KLHL1: variants seen among roughly 807,000 people sequenced by gnomAD.
KLHL1 encodes kelch-like protein 1.
In KLHL1, 47 loss-of-function variants were observed where a neutral mutation model predicts 77.7. The observed-to-expected ratio is 0.60, with a 90% confidence interval of 0.48 to 0.77. The LOEUF is 0.77. Ranked by LOEUF, KLHL1 falls within the 30% of genes least tolerant of loss-of-function variation. The pLI, the probability that KLHL1 is intolerant of heterozygous loss-of-function variation, is 0.00. For synonymous variants in KLHL1, 360 were observed against 325.2 expected, an observed-to-expected ratio of 1.11 and a Z score of -1.15; for missense variants, 925 against 910.8, an observed-to-expected ratio of 1.02 and a Z score of -0.20.
chr13:69,792,266 T>G (rs2138029974), intron 7 of KLHL1, among the ~76,000 whole-genome samples: 1 of 152,218 alleles, frequency 6.6e-6, no homozygotes. Flanking sequence ...AGGAAAATAT[T>G]TCCATAGAGC....
intron 5 of KLHL1, among the ~76,000 whole-genome samples, chr13:69,877,254 T>C (rs866853076): frequency 1.1e-4 from 16 of 152,296 alleles, no homozygotes; most frequent in Middle Eastern, 3.4e-3. Flanking sequence ...CTGATACTTA[T>C]GGGTATTTTT....
chr13:69,959,778 T>C (rs1403024086), intron 3 of KLHL1, among the ~76,000 whole-genome samples: 2 of 151,894 alleles, frequency 1.3e-5, no homozygotes, highest in Non-Finnish European at 2.9e-5. Flanking sequence ...GGTGAACAAA[T>C]TGCTTCAAGT....
intron 1 of KLHL1, among the ~76,000 whole-genome samples, chr13:70,086,593 AGAAAGAAAG>A (rs1441381129): frequency 0.012 from 654 of 52,518 alleles, 42 homozygotes; most frequent in African/African-American, 0.031. Context: ...AAAAAAAAAA[AGAAAGAAAG>A]AAAGAAAGAA....
chr13:69,747,889 T>TA (rs1376738646), intron 7 of KLHL1, among the ~76,000 whole-genome samples: 1 of 151,876 alleles, frequency 6.6e-6, no homozygotes, highest in East Asian at 1.9e-4. Flanking sequence ...ATTTTATAAT[T>TA]AAAAATATAT....
At chr13:70,030,110 TAC>T (rs1229152258) in intron 1 of KLHL1, among the ~76,000 whole-genome samples, 25 of 152,120 alleles carry the variant, frequency 1.6e-4, no homozygotes, top group Non-Finnish European at 3.5e-4. Flanking sequence ...CTTAGAGACC[TAC>T]GAAGAGACTT....
chr13:69,741,472 T>C (rs1363338142), intron 7 of KLHL1, among the ~76,000 whole-genome samples: 5 of 152,266 alleles, frequency 3.3e-5, no homozygotes, highest in Admixed American at 2.0e-4. Flanking sequence ...GATTAAGACA[T>C]GACTCCTAGA....
chr13:70,024,720 A>G (rs1010915795), intron 1 of KLHL1, among the ~76,000 whole-genome samples: 3 of 150,198 alleles, frequency 2.0e-5, no homozygotes, highest in Non-Finnish European at 4.5e-5. Context: ...GGGAACAATT[A>G]TGAACGGAAG....
chr13:69,781,110 G>A (rs1254511690), intron 7 of KLHL1, among the ~76,000 whole-genome samples: 4 of 151,908 alleles, frequency 2.6e-5, no homozygotes, highest in Non-Finnish European at 5.9e-5. Flanking sequence ...AATCTTGCAG[G>A]GGGAGACAGT....
At chr13:69,885,664 C>G (rs1189741711) in intron 4 of KLHL1, among the ~76,000 whole-genome samples, 1 of 152,154 alleles carries the variant, frequency 6.6e-6, no homozygotes, top group Non-Finnish European at 1.5e-5. Flanking sequence ...GATCATATAA[C>G]AAGAGGCCTG....
At chr13:70,058,669 C>T (rs909103863) in intron 1 of KLHL1, among the ~76,000 whole-genome samples, 1 of 152,022 alleles carries the variant, frequency 6.6e-6, no homozygotes, top group African/African-American at 2.4e-5. Flanking sequence ...AACATGATTC[C>T]TATAAAATAC....
At chr13:69,910,605 A>G (rs543163873) in intron 4 of KLHL1, among the ~76,000 whole-genome samples, 32 of 152,050 alleles carry the variant, frequency 2.1e-4, no homozygotes, top group African/African-American at 7.7e-4. Context: ...ACATAGACTG[A>G]GAAATTATGG....
chr13:69,714,475 A>C (rs1316355454), intron 9 of KLHL1, among the ~76,000 whole-genome samples: 2 of 152,192 alleles, frequency 1.3e-5, no homozygotes, highest in Non-Finnish European at 2.9e-5. Flanking sequence ...GATACGCTTA[A>C]CAGTTCAAAA....
At chr13:69,965,558 G>A (rs1484437812) in intron 2 of KLHL1, among the ~76,000 whole-genome samples, 2 of 152,122 alleles carry the variant, frequency 1.3e-5, no homozygotes, top group Non-Finnish European at 2.9e-5. Flanking sequence ...CCCTCTAAGT[G>A]TCCAAATGAA....
chr13:69,992,484 T>C (rs764961746), intron 1 of KLHL1, among the ~76,000 whole-genome samples: 3 of 152,030 alleles, frequency 2.0e-5, no homozygotes, highest in Non-Finnish European at 2.9e-5. Context: ...TGGAGAAATA[T>C]GTGCCTTAGC....
chr13:69,898,600 T>C (rs1380041511), intron 4 of KLHL1, among the ~76,000 whole-genome samples: 1 of 152,154 alleles, frequency 6.6e-6, no homozygotes, highest in Non-Finnish European at 1.5e-5. Context: ...GGCCCCACTA[T>C]TGAATATGTT....
intron 1 of KLHL1, among the ~76,000 whole-genome samples, chr13:69,976,788 A>C (rs1367827747): frequency 2.0e-5 from 3 of 152,140 alleles, no homozygotes; most frequent in Non-Finnish European, 4.4e-5. Context: ...TACAATATCA[A>C]AATAATTATT....
At chr13:69,808,701 A>T (rs185820115) in intron 6 of KLHL1, among the ~76,000 whole-genome samples, 1 of 152,308 alleles carries the variant, frequency 6.6e-6, no homozygotes, top group East Asian at 1.9e-4. Context: ...GTAGCTTCCA[A>T]GCAATGGATC....
At chr13:69,851,443 G>T (rs1218411805) in intron 5 of KLHL1, among the ~76,000 whole-genome samples, 2 of 151,690 alleles carry the variant, frequency 1.3e-5, no homozygotes, top group East Asian at 3.9e-4. Context: ...TTTGAGGACA[G>T]TATGAGTTTT....
Position 69,891,710 on chromosome 13 carries a change from G to GA in KLHL1, c.1015-9216dup, listed in dbSNP as rs138259086. On this transcript the variant is annotated intron_variant, in intron 4 of 10. Transcript: ENST00000377844. ...TTGTTTCGAATATCAATTGATATTA[G>GA]AAAAAAATAATATTTAAACTTTGGA... 5.7e-3 allele frequency among the ~76,000 whole-genome samples: 866 copies of GA among 151,848 alleles called. 8 individuals are homozygous for GA. The highest frequency in any genetic ancestry group is 0.02 in the African/African-American group (813 of 41,466).
Sources: gnomAD v4.1 joint callset for allele counts (sites outside exome capture counted in the v4.1 genomes callset) on GRCh38, gnomAD v4.1.1 for gene constraint, MANE v1.5 for transcripts, NCBI Gene and HGNC (gene_info 2026-07-23, HGNC 2026-07-21) for gene names.